Variants in NPC2 observed in about 807,000 individuals in gnomAD.
NPC2 encodes the protein Niemann-Pick disease type C2 protein.
In NPC2, 14 loss-of-function variants were observed where a neutral mutation model predicts 17.0. The ratio of observed to expected loss-of-function variants is 0.82; its 90% confidence interval spans 0.54 to 1.29. The LOEUF (loss-of-function observed/expected upper bound fraction) is 1.29. Ranked by LOEUF, NPC2 falls within the 50% of genes most tolerant of loss-of-function variation. The pLI is 0.00. For synonymous variants in NPC2, 75 were observed against 69.3 expected (o/e 1.08, Z -0.41); for missense variants, 167 against 183.4 (o/e 0.91, Z 0.52).
At chr14:74,485,362 TAA>T (rs1012066008) in intron 2 of NPC2, among the ~76,000 whole-genome samples, 1 of 145,142 alleles carries the variant, frequency 6.9e-6, no homozygotes, top group Non-Finnish European at 1.5e-5. Context: ...CAATTCTTTA[TAA>T]ACTTTACCCT....
chr14:74,482,221 T>C (rs3784035), intron 3 of NPC2, among the ~76,000 whole-genome samples: 34,634 of 152,114 alleles, frequency 0.23, 4,395 homozygotes, highest in African/African-American at 0.33. Flanking sequence ...AGCACAGACA[T>C]CCTATATTTG....
intron 1 of NPC2, among the ~76,000 whole-genome samples, chr14:74,487,468 T>A (rs949243475): frequency 3.3e-5 from 5 of 152,072 alleles, no homozygotes; most frequent in Non-Finnish European, 7.4e-5. Flanking sequence ...GGTTTCACCA[T>A]GTTGCCCAGG....
At chr14:74,480,572 T>C (rs2086645458) in intron 4 of NPC2, 130 bp downstream of exon 4, 1 of 848,602 alleles carries the variant, frequency 1.2e-6, no homozygotes, top group East Asian at 2.4e-5. Context: ...CAGATGCTTT[T>C]AGAGGTTGAG....
At chr14:74,483,067 C>A (rs912009547) in intron 3 of NPC2, 8 of 1,309,732 alleles carry the variant, frequency 6.1e-6, no homozygotes, top group African/African-American at 1.5e-5. Flanking sequence ...AAAATATGAC[C>A]CAACGATAGA....
intron 1 of NPC2, among the ~76,000 whole-genome samples, chr14:74,487,432 C>T (rs2139671262): frequency 2.0e-5 from 3 of 152,018 alleles, no homozygotes; most frequent in Middle Eastern, 6.8e-3. Context: ...CCACACCCGG[C>T]TAATTTTTGT....
chr14:74,484,614 G>A (rs2086690150), intron 2 of NPC2, 27 bp from the exon 3 acceptor site: 1 of 1,612,880 alleles, frequency 6.2e-7, no homozygotes, highest in Non-Finnish European at 8.5e-7. Flanking sequence ...GAATCAGATG[G>A]CAAAGAAAAT....
upstream of NPC2, chr14:74,493,340 G>T (rs1305011295): frequency 6.3e-7 from 1 of 1,576,718 alleles, no homozygotes; most frequent in African/African-American, 1.3e-5. The surrounding 1 kb of genome is among the most constrained non-coding windows in gnomAD (Gnocchi z 4.1). Flanking sequence ...AGACAAACCT[G>T]TCGGGGCGGG....
At chr14:74,491,066 GTTATT>G (rs1225079067) in intron 1 of NPC2, among the ~76,000 whole-genome samples, 5 of 152,136 alleles carry the variant, frequency 3.3e-5, no homozygotes, top group South Asian at 2.1e-4. Context: ...GATGGAATGA[GTTATT>G]TTATTTTATT....
intron 3 of NPC2, chr14:74,483,479 C>T: frequency 1.9e-6 from 3 of 1,564,084 alleles, no homozygotes; most frequent in Non-Finnish European, 2.6e-6. Context: ...AAAGAAACAG[C>T]CTAAAAAGAA....
Position 74,493,179 on chromosome 14 carries a change from G to T in NPC2, c.82+14C>A. The T allele has an allele frequency of 6.2e-7, 1 of 1,602,616 alleles. No individual in the cohort carries two copies. The highest frequency in any genetic ancestry group is 2.3e-5 in the East Asian group (1 of 44,400). On this transcript the variant is annotated intron_variant, in intron 1 of 4. Coordinates refer to ENST00000555619, the MANE Select transcript of NPC2 (RefSeq NM_006432.5). The surrounding 1 kb of genome is among the most constrained non-coding windows in gnomAD (Gnocchi z 4.1). ...ACAGAGGGCGCGGGAACCTTGGGCG[G>T]GCCTGGGGCTCACCGCAGTCCTTGA...
chr14:74,486,429 C>T lies in NPC2; in HGVS notation c.90G>A (p.Val30=), dbSNP rs759470584. 1.3e-6 allele frequency: 2 copies of T among 1,591,156 alleles called. No individual in the cohort carries two copies. The highest frequency in any genetic ancestry group is 2.3e-5 in the South Asian group (2 of 87,412). The change falls in exon 2 of 5, where the codon GTG becomes GTA. Residue 30 remains valine (V), a synonymous_variant. Transcript: ENST00000555619. ...EPVQFKDCGS[V]DGVIKEVNVS... ...CATTCACTTCCTTTATAACTCCATC[C>T]ACAGAACCTGCAAAAGAAAAATGAA...
chr14:74,482,310 AT>A (rs1205786983), intron 3 of NPC2, among the ~76,000 whole-genome samples: 4 of 152,164 alleles, frequency 2.6e-5, no homozygotes, highest in Non-Finnish European at 5.9e-5. Flanking sequence ...GTTCTACTTG[AT>A]TTCAAGAAAT....
At chr14:74,487,096 G>A (rs368277112) in intron 1 of NPC2, among the ~76,000 whole-genome samples, 5 of 151,736 alleles carry the variant, frequency 3.3e-5, no homozygotes, top group Admixed American at 1.3e-4. Flanking sequence ...GACTACAGGC[G>A]AGTGCCATCA....
At chr14:74,486,639 C>A (rs1014370929) in intron 1 of NPC2, among the ~76,000 whole-genome samples, 1 of 152,112 alleles carries the variant, frequency 6.6e-6, no homozygotes, top group African/African-American at 2.4e-5. Context: ...AAAATCATAG[C>A]CTTTAATTCA....
chr14:74,480,342 T>G (rs2086643194), intron 4 of NPC2, 54 bp from the exon 5 acceptor site: 14 of 1,481,200 alleles, frequency 9.5e-6, no homozygotes, highest in Non-Finnish European at 1.3e-5. Context: ...TTTCCTCCAC[T>G]GTCAGGGCAA....
intron 2 of NPC2, among the ~76,000 whole-genome samples, chr14:74,485,720 A>G (rs776593090): frequency 6.6e-6 from 1 of 152,188 alleles, no homozygotes; most frequent in Non-Finnish European, 1.5e-5. Context: ...TTAGTAATAA[A>G]AGATTTTACA....
intron 2 of NPC2, 123 bp downstream of exon 2, chr14:74,486,206 C>T: frequency 1.1e-6 from 1 of 944,254 alleles, no homozygotes; most frequent in Admixed American, 2.0e-5. Context: ...GCATGAGGTG[C>T]AAAAGAAATC....
chr14:74,485,769 C>T (rs887667191), intron 2 of NPC2, among the ~76,000 whole-genome samples: 5 of 152,060 alleles, frequency 3.3e-5, no homozygotes, highest in African/African-American at 1.2e-4. Context: ...TGATGTGGTA[C>T]AAGAAAGCAA....
At chr14:74,484,252 A>C (rs1595222635) in intron 3 of NPC2, among the ~76,000 whole-genome samples, 163 bp downstream of exon 3, 1 of 152,120 alleles carries the variant, frequency 6.6e-6, no homozygotes, top group Non-Finnish European at 1.5e-5. Context: ...GACCTGCCCT[A>C]CCTCCTGATG....
Sources: allele counts gnomAD v4.1 joint callset (sites outside exome capture counted in the v4.1 genomes callset), GRCh38; gene constraint gnomAD v4.1.1; non-coding constraint Gnocchi (gnomAD v3.1); transcripts MANE v1.5; gene names NCBI Gene and HGNC (gene_info 2026-07-23, HGNC 2026-07-21).